The following ABCC6 variants were observed in gnomAD, a reference collection of about 807,000 sequenced individuals.
ABCC6 encodes the protein ATP binding cassette subfamily C member 6.
Under a neutral mutation model 169.5 loss-of-function variants are expected in ABCC6, and 126 were observed. The observed-to-expected ratio is 0.74, with a 90% CI of 0.64 to 0.86. The LOEUF (loss-of-function observed/expected upper bound fraction) is 0.86, where lower values mean the gene tolerates loss of function less well. Among genes scored for constraint, ABCC6 ranks in the 40% least tolerant of loss-of-function variants. The pLI is 0.00. For synonymous variants in ABCC6, 752 were observed against 814.7 expected (o/e 0.92, Z 1.31); for missense variants, 1,733 against 1,927.2 (o/e 0.90, Z 1.89).
At chr16:16,173,966 A>T (rs2047190891) in intron 20 of ABCC6, among the ~76,000 whole-genome samples, 1 of 152,218 alleles carries the variant, frequency 6.6e-6, no homozygotes, top group Non-Finnish European at 1.5e-5. Flanking sequence ...TGAATGTTTT[A>T]TCTGTGGATG....
intron 4 of ABCC6, 67 bp from the exon 5 acceptor site, chr16:16,214,516 T>G: frequency 6.4e-7 from 1 of 1,551,054 alleles, no homozygotes; most frequent in South Asian, 1.2e-5. Context: ...GAGAAAAGGT[T>G]TCTGATCTTG....
chr16:16,191,139 C>T (rs3916991), intron 11 of ABCC6, among the ~76,000 whole-genome samples: 51,457 of 151,442 alleles, frequency 0.34, 10,318 homozygotes, highest in Non-Finnish European at 0.46. Context: ...TTTTTGAGAC[C>T]GAGTCTTCCT....
At chr16:16,167,256 C>G (rs2046907228) in intron 22 of ABCC6, among the ~76,000 whole-genome samples, 1 of 152,182 alleles carries the variant, frequency 6.6e-6, no homozygotes, top group African/African-American at 2.4e-5. Flanking sequence ...AAAAGTGGTA[C>G]TTGGTTGTTG....
At chr16:16,199,862 G>A (rs1381331234) in intron 9 of ABCC6, among the ~76,000 whole-genome samples, 3 of 151,096 alleles carry the variant, frequency 2.0e-5, no homozygotes, top group East Asian at 2.0e-4. Flanking sequence ...GAGGCCGGGA[G>A]TTCGAGATCA....
At chr16:16,198,993 CG>C (rs1337597824) in intron 9 of ABCC6, among the ~76,000 whole-genome samples, 2 of 53,776 alleles carry the variant, frequency 3.7e-5, no homozygotes, top group African/African-American at 5.3e-5. Flanking sequence ...AAATCCATTT[CG>C]GGGGGGAAAA....
At chr16:16,197,975 G>T (rs1167132626) in intron 10 of ABCC6, 46 bp downstream of exon 10, 2 of 1,581,812 alleles carry the variant, frequency 1.3e-6, no homozygotes, top group Admixed American at 1.7e-5. Flanking sequence ...GGAGAAGGAG[G>T]GGGTGGGGGA....
At chr16:16,189,155 A>G (rs2047755904) in intron 12 of ABCC6, among the ~76,000 whole-genome samples, 181 bp from the exon 13 acceptor site, 1 of 152,200 alleles carries the variant, frequency 6.6e-6, no homozygotes, top group African/African-American at 2.4e-5. Flanking sequence ...GTCATAAGCT[A>G]CATAAGGCTC....
Position 16,169,681 on chromosome 16 carries a change from C to T in ABCC6, c.2960G>A (p.Arg987His), listed in dbSNP as rs374113337. 56 of 1,611,202 alleles carry T rather than the reference C, an allele frequency of 3.5e-5. No individual in the cohort carries two copies. Among genetic ancestry groups the T allele is most frequent in the East Asian group, 4.5e-5 (2 of 44,882 alleles). ...VGGQQTQAAL[R>H]GGIFGLLGCL... is the part of the protein sequence containing the mutation. ...GCCGAGGAGCCCGAAGATCCCGCCA[C>T]GCAGGGCTGCCTGCGTCTGCTGCCC... Residue 987 changes from arginine (R) to histidine (H), a missense_variant, in exon 22 of 31, where the codon CGT becomes CAT. By Grantham distance (29) the Arg-to-His change is conservative (BLOSUM62 0). Around this residue, in one of 5 missense-constraint regions of ABCC6, gnomAD observed 1,601 missense variants for 1,635.5 expected, o/e 0.98. Coordinates refer to ENST00000205557, the MANE Select transcript of ABCC6 (RefSeq NM_001171.6).
chr16:16,189,669 C>T (rs923483516), intron 12 of ABCC6, among the ~76,000 whole-genome samples: 3 of 152,162 alleles, frequency 2.0e-5, no homozygotes, highest in African/African-American at 7.2e-5. Flanking sequence ...CCACCCACCT[C>T]GGCCTCCCAA....
At chr16:16,215,186 C>T (rs1294413125) in intron 4 of ABCC6, among the ~76,000 whole-genome samples, 6 of 152,304 alleles carry the variant, frequency 3.9e-5, no homozygotes, top group Non-Finnish European at 8.8e-5. Flanking sequence ...CTGCCCTGAG[C>T]ACATGCGGCA....
Position 16,153,718 on chromosome 16 carries a change from ACATG to A in ABCC6, c.4208+906_4208+909del, listed in dbSNP as rs1212039124. On this transcript the variant is annotated intron_variant, in intron 29 of 30. Transcript: ENST00000205557. ...CGCAAGTTCGACTGTAGCCTGGGCA[ACATG>A]GTGAAACCCTGTCTCTACAAAAAAT... Among the ~76,000 whole-genome samples the A allele has an allele frequency of 3.9e-5, 6 of 152,066 alleles. No homozygotes were observed. In the East Asian group the frequency reaches 1.2e-3, roughly 30 times the overall value.
In ABCC6 at chr16:16,165,757, C is replaced by T. The variant is rs764365055; in HGVS notation, c.3172G>A (p.Asp1058Asn). 3.7e-6 allele frequency: 6 copies of T among 1,613,790 alleles called. No homozygotes were observed. The highest frequency in any genetic ancestry group is 5.1e-6 in the Non-Finnish European group (6 of 1,180,028). Reference sequence around the variant, plus strand: ...AGGGACCGGAGTTTGTCTGGAATGTCCACGTCAACCGTGTCTGTCTCCTTG... The same window carrying T: ...AGGGACCGGAGTTTGTCTGGAATGTTCACGTCAACCGTGTCTGTCTCCTTG... ...FSKETDTVDV[D>N]IPDKLRSLLM... Residue 1058 changes from aspartate to asparagine, a missense_variant, in exon 23 of 31, where the codon GAC becomes AAC. Physicochemically the swap from Asp to Asn is conservative, Grantham distance 23. Transcript: ENST00000205557.
At chr16:16,222,817 C>T (rs993852771) in intron 1 of ABCC6, among the ~76,000 whole-genome samples, 1 of 152,160 alleles carries the variant, frequency 6.6e-6, no homozygotes, top group African/African-American at 2.4e-5. Context: ...ACCGGCTGTG[C>T]AAACTTTAAC....
In ABCC6 at chr16:16,157,773, G is replaced by A. The variant is rs761440521; in HGVS notation, c.3772C>T (p.Pro1258Ser). 1.2e-6 allele frequency: 2 copies of A among 1,613,346 alleles called. No individual in the cohort carries two copies. Among genetic ancestry groups the A allele is most frequent in the Non-Finnish European group, 1.7e-6 (2 of 1,179,998 alleles). ...WRLPTCAAQP[P>S]WPQGGQIEFR... The stretch of plus-strand genomic sequence containing the variant: ...TCGATCTGCCCGCCCTGAGGCCAGG[G>A]GGGCTGAGCTGCACATGTGGGCAGC... Residue 1258 changes from proline (P) to serine (S), a missense_variant, in exon 27 of 31, where the codon CCC becomes TCC. Around this residue, in one of 5 missense-constraint regions of ABCC6, gnomAD observed 1,601 missense variants for 1,635.5 expected, o/e 0.98. Coordinates refer to ENST00000205557, the MANE Select transcript of ABCC6 (RefSeq NM_001171.6).
chr16:16,187,880 G>C (rs1173047778), intron 13 of ABCC6, among the ~76,000 whole-genome samples: 1 of 150,780 alleles, frequency 6.6e-6, no homozygotes, highest in African/African-American at 2.4e-5. Context: ...CTGGGTGACA[G>C]AGTGAGACAC....
chr16:16,197,935 G>A (rs2048104523), intron 10 of ABCC6, 86 bp downstream of exon 10: 4 of 1,433,920 alleles, frequency 2.8e-6, no homozygotes, highest in Non-Finnish European at 2.9e-6. Context: ...AAGTCAGGAG[G>A]AGGAAGGGTG....
chr16:16,170,829 G>A (rs1319029369), intron 21 of ABCC6, among the ~76,000 whole-genome samples: 3 of 142,826 alleles, frequency 2.1e-5, no homozygotes, highest in African/African-American at 5.2e-5. Context: ...TAAGGCAAGA[G>A]AATCGTTTGA....
At chr16:16,177,355 C>T (rs2047309307) in intron 19 of ABCC6, 97 bp downstream of exon 19, 9 of 1,420,708 alleles carry the variant, frequency 6.3e-6, no homozygotes, top group Non-Finnish European at 8.0e-6. Context: ...CAGGGTGTGG[C>T]CAGAGCACTC....
intron 27 of ABCC6, chr16:16,155,268 C>T (rs1295816459): frequency 6.7e-6 from 4 of 594,982 alleles, no homozygotes; most frequent in East Asian, 5.6e-5. Flanking sequence ...TCCCATCTTT[C>T]TCCCCACCCT....
Sources: gnomAD v4.1 joint callset for allele counts (sites outside exome capture counted in the v4.1 genomes callset) on GRCh38, gnomAD v4.1.1 for gene constraint, gnomAD v4.1.1 regional missense constraint, MANE v1.5 for transcripts, NCBI Gene and HGNC (gene_info 2026-07-23, HGNC 2026-07-21) for gene names.